PDXDC1: variants seen among roughly 807,000 people sequenced by gnomAD.
PDXDC1 encodes the protein pyridoxal-dependent decarboxylase domain-containing protein 1.
In PDXDC1, 42 loss-of-function variants were observed where a neutral mutation model predicts 100.1. The ratio of observed to expected loss-of-function variants is 0.42; its 90% CI spans 0.33 to 0.54. PDXDC1 has a LOEUF of 0.54. PDXDC1 is among the 20% of genes least tolerant of loss of function. The pLI is 0.10. For synonymous variants in PDXDC1, 260 were observed against 371.7 expected, an observed-to-expected ratio of 0.70 and a Z score of 3.46; for missense variants, 636 against 979.2, an observed-to-expected ratio of 0.65 and a Z score of 4.68.
intron 8 of PDXDC1, among the ~76,000 whole-genome samples, chr16:15,011,243 A>C (rs2041233644): frequency 6.6e-6 from 1 of 152,292 alleles, no homozygotes; most frequent in Admixed American, 6.5e-5. Flanking sequence ...TCAGAAATAG[A>C]CTCATGTGAA....
At chr16:15,044,003 T>G (rs944873843) in intron 16 of PDXDC1, among the ~76,000 whole-genome samples, 1 of 152,020 alleles carries the variant, frequency 6.6e-6, no homozygotes. Context: ...GTATCATCAG[T>G]GTTTTAATTT....
intron 8 of PDXDC1, among the ~76,000 whole-genome samples, chr16:15,010,069 TAG>T (rs1298014008): frequency 4.6e-5 from 7 of 152,300 alleles, no homozygotes. Flanking sequence ...TTTTTTGAGA[TAG>T]AGTCTCACTC....
intron 4 of PDXDC1, among the ~76,000 whole-genome samples, chr16:15,003,331 C>T (rs1458567448): frequency 1.3e-5 from 2 of 152,156 alleles, no homozygotes. Context: ...ATTCTCCTGC[C>T]TCAGCCTCCT....
intron 16 of PDXDC1, among the ~76,000 whole-genome samples, chr16:15,052,873 G>A (rs936127142): frequency 5.3e-5 from 8 of 152,084 alleles, no homozygotes; most frequent in African/African-American, 1.2e-4. Flanking sequence ...ACTAAGCTAC[G>A]CTGCGAGCAT....
chr16:15,063,167 A>C, intron 16 of PDXDC1: 1 of 1,440,640 alleles, frequency 6.9e-7, no homozygotes, highest in Non-Finnish European at 9.8e-7. Flanking sequence ...GGAGATTCCG[A>C]GAGTGTGCTC....
At chr16:15,017,878 T>A (rs2041911393) in intron 11 of PDXDC1, among the ~76,000 whole-genome samples, 1 of 151,828 alleles carries the variant, frequency 6.6e-6, no homozygotes, top group African/African-American at 2.4e-5. Context: ...CACTGCAACC[T>A]CCACCTCCTG....
At chr16:15,132,489 C>T (rs1340089235) in intron 16 of PDXDC1, among the ~76,000 whole-genome samples, 1 of 149,720 alleles carries the variant, frequency 6.7e-6, no homozygotes, top group Non-Finnish European at 1.5e-5. Flanking sequence ...TCCCTCCCCA[C>T]ATCTGGGCCC....
intron 16 of PDXDC1, among the ~76,000 whole-genome samples, chr16:15,089,866 G>A (rs2046061602): frequency 6.6e-6 from 1 of 150,966 alleles, no homozygotes; most frequent in Admixed American, 6.6e-5. Context: ...TTTAAGAAGT[G>A]GGTGGCCAAC....
chr16:15,127,800 C>G (rs200296265), intron 16 of PDXDC1: 1 of 1,368,204 alleles, frequency 7.3e-7, no homozygotes, highest in African/African-American at 1.4e-5. Context: ...AGCTACGAGG[C>G]GGCCGGTCCC....
intron 4 of PDXDC1, among the ~76,000 whole-genome samples, chr16:15,002,464 C>G (rs1973365981): frequency 6.6e-6 from 1 of 152,286 alleles, no homozygotes; most frequent in Non-Finnish European, 1.5e-5. Context: ...CATTTTTTCA[C>G]TTATGTCTTG....
intron 16 of PDXDC1, among the ~76,000 whole-genome samples, chr16:15,101,301 G>T (rs111446029): frequency 1.1e-4 from 16 of 152,276 alleles, no homozygotes; most frequent in African/African-American, 3.8e-4. Context: ...TAGACAGATA[G>T]GCACGGTCTT....
At chr16:15,045,385 T>C (rs1007541367) in intron 16 of PDXDC1, 1 of 151,438 alleles carries the variant, frequency 6.6e-6, no homozygotes, top group African/African-American at 2.4e-5. Flanking sequence ...GAGAATCACT[T>C]GGACCCAGGA....
intron 16 of PDXDC1, among the ~76,000 whole-genome samples, chr16:15,088,427 C>T (rs2045992799): frequency 6.6e-6 from 1 of 152,084 alleles, no homozygotes; most frequent in Admixed American, 6.6e-5. Context: ...TGATCGGGCC[C>T]ATTACACTCC....
At chr16:15,013,428 A>G (rs2041509589) in intron 8 of PDXDC1, among the ~76,000 whole-genome samples, 1 of 151,318 alleles carries the variant, frequency 6.6e-6, no homozygotes, top group South Asian at 2.1e-4. Context: ...GCCAGTGAGG[A>G]GTCAGGGAAA....
intron 16 of PDXDC1, among the ~76,000 whole-genome samples, chr16:15,101,291 TAGAC>T (rs1306063281): frequency 5.3e-5 from 8 of 152,188 alleles, no homozygotes; most frequent in South Asian, 2.1e-4. Context: ...ATGAGGGAGA[TAGAC>T]AGATAGGCAC....
At chr16:15,068,092 A>T in intron 16 of PDXDC1, 1 of 1,498,318 alleles carries the variant, frequency 6.7e-7, no homozygotes, top group Non-Finnish European at 9.1e-7. Flanking sequence ...ATAGAAATTT[A>T]ACACTCTTAC....
chr16:15,041,853 C>G (rs571586961), downstream of PDXDC1, among the ~76,000 whole-genome samples: 2 of 152,328 alleles, frequency 1.3e-5, no homozygotes, highest in African/African-American at 4.8e-5. Context: ...GAGCTGACAC[C>G]ACAGAACCCT....
intron 3 of PDXDC1, among the ~76,000 whole-genome samples, chr16:14,998,730 C>T (rs1175264314): frequency 3.3e-5 from 5 of 152,290 alleles, no homozygotes; most frequent in Non-Finnish European, 5.9e-5. Context: ...GCTGGGATTA[C>T]AGGTGTGAGC....
chr16:15,136,310 G>A (rs1377013947), intron 16 of PDXDC1, among the ~76,000 whole-genome samples: 2 of 152,204 alleles, frequency 1.3e-5, no homozygotes, highest in African/African-American at 4.8e-5. Context: ...CACGGGGCCT[G>A]TGGGCACCGG....
Sources: allele counts gnomAD v4.1 joint callset (sites outside exome capture counted in the v4.1 genomes callset), GRCh38; gene constraint gnomAD v4.1.1; transcripts MANE v1.5; gene names NCBI Gene and HGNC (gene_info 2026-07-23, HGNC 2026-07-21).